Variants in TMC5 observed in about 807,000 individuals in gnomAD.
TMC5 encodes the protein transmembrane channel-like protein 5.
Under a neutral mutation model 110.5 loss-of-function variants are expected in TMC5, and 86 were observed. That is an observed-to-expected ratio of 0.78 (90% confidence interval 0.65 to 0.93). The LOEUF is 0.93. Among genes scored for constraint, TMC5 ranks in the 40% least tolerant of loss-of-function variants. The probability of loss-of-function intolerance (pLI) is 0.00; values close to 1 mark genes in which losing one functional copy is unlikely to be tolerated. For synonymous variants in TMC5, 455 were observed against 439.5 expected (o/e 1.04, Z -0.44); for missense variants, 1,144 against 1,222.8 (o/e 0.94, Z 0.96).
chr16:19,442,360 A>G (rs1355421859), intron 3 of TMC5, among the ~76,000 whole-genome samples: 4 of 138,266 alleles, frequency 2.9e-5, no homozygotes, highest in Admixed American at 1.5e-4. Context: ...ACAGCGTCTC[A>G]CTCTGTCATC....
chr16:19,441,953 G>A (rs1425213437), intron 3 of TMC5, among the ~76,000 whole-genome samples: 7 of 151,902 alleles, frequency 4.6e-5, no homozygotes, highest in African/African-American at 1.5e-4. Context: ...ACAGGCATGC[G>A]CCACCACGCC....
At chr16:19,455,211 G>C (rs1967837599) in intron 5 of TMC5, among the ~76,000 whole-genome samples, 1 of 152,024 alleles carries the variant, frequency 6.6e-6, no homozygotes. Context: ...ACTTTGGGAG[G>C]CTGAGGCAGG....
chr16:19,423,018 C>T (rs184203292), intron 1 of TMC5, among the ~76,000 whole-genome samples: 3 of 151,932 alleles, frequency 2.0e-5, no homozygotes, highest in Non-Finnish European at 4.4e-5. Flanking sequence ...CAGCTACTCA[C>T]GAGGCTGAGG....
chr16:19,424,203 T>C (rs781489186), intron 1 of TMC5, among the ~76,000 whole-genome samples: 3 of 152,318 alleles, frequency 2.0e-5, no homozygotes, highest in South Asian at 2.1e-4. Context: ...GGCTGTAAAG[T>C]AGAAGTTTTT....
chr16:19,417,055 T>C (rs181966328), upstream of TMC5, among the ~76,000 whole-genome samples: 937 of 116,278 alleles, frequency 8.1e-3, 6 homozygotes, highest in Middle Eastern at 0.029. Flanking sequence ...GATGGCGCCA[T>C]TGCACTCCAG....
chr16:19,473,988 TAAAA>T (rs1369513857), intron 11 of TMC5, 133 bp from the exon 12 acceptor site: 1 of 802,014 alleles, frequency 1.2e-6, no homozygotes, highest in African/African-American at 1.8e-5. Context: ...TCAAAAAAAT[TAAAA>T]TAAATAAATA....
In TMC5 at chr16:19,467,186, CTG is replaced by C. The variant is rs796528106; in HGVS notation, c.1637+955_1637+956del. Among the ~76,000 whole-genome samples, 17 of 152,210 alleles carry C rather than the reference CTG, an allele frequency of 1.1e-4. 1 individual carries two copies. The highest frequency in any genetic ancestry group is 2.6e-4 in the African/African-American group (11 of 41,556). On this transcript the variant is annotated intron_variant, in intron 9 of 21. Coordinates refer to ENST00000542583, the MANE Select transcript of TMC5 (RefSeq NM_001261841.2). Reference sequence around the variant, plus strand: ...AAGAAAGAAAAGCAACATGCAATCTCTGTATTAGTTTGCTAGGGCTGCCTAGC... The same window carrying C: ...AAGAAAGAAAAGCAACATGCAATCTCTATTAGTTTGCTAGGGCTGCCTAGC...
At chr16:19,441,801 C>T (rs190082806) in intron 3 of TMC5, among the ~76,000 whole-genome samples, 171 of 151,766 alleles carry the variant, frequency 1.1e-3, no homozygotes, top group South Asian at 8.4e-3. Flanking sequence ...TTTATTTATT[C>T]ATTCATTCAT....
chr16:19,419,407 T>G (rs1389025729), intron 1 of TMC5, among the ~76,000 whole-genome samples: 2 of 120,274 alleles, frequency 1.7e-5, no homozygotes, highest in Admixed American at 8.2e-5. Flanking sequence ...TGTTGGTTTT[T>G]TTTTTTTTTT....
At position 19,474,275 on chromosome 16, in the gene TMC5, C is replaced by T. The variant is rs200385991; in HGVS notation, c.2089C>T (p.Arg697Ter). The T allele has an allele frequency of 7.0e-5, 113 of 1,613,418 alleles. No individual in the cohort carries two copies. The highest frequency in any genetic ancestry group is 6.6e-4 in the Middle Eastern group (4 of 6,058). ...GCACGAAGTCTACGTTCTCCTGATC[C>T]GGTAGGTGATGTGTCGCGCCCAACA... Reference protein sequence around the residue: ...PRHEVYVLLIRNIFLKISIIG... With the variant: ...PRHEVYVLLI Residue 697 changes from arginine (R) to a stop codon, truncating the protein, a stop_gained and splice_region_variant, in exon 12 of 22, where the codon CGA becomes TGA. Coordinates refer to ENST00000542583, the MANE Select transcript of TMC5 (RefSeq NM_001261841.2). LOFTEE classifies it high-confidence loss of function.
chr16:19,438,790 C>T (rs1173276296), intron 2 of TMC5, among the ~76,000 whole-genome samples: 3 of 152,116 alleles, frequency 2.0e-5, no homozygotes, highest in Non-Finnish European at 2.9e-5. Context: ...AACTGCATCA[C>T]CTCTTATTTC....
In TMC5 at chr16:19,492,943, A is replaced by ATTTAGATATATATATATATATAT. The variant is rs61334845; in HGVS notation, c.2826+715_2826+716insTTTAGATATATATATATATATAT. On this transcript the variant is annotated intron_variant, in intron 19 of 21. Transcript: ENST00000542583. Reference sequence around the variant, plus strand: ...ATATATATATATATATCTCTCTATAAGATAAATACTTTTATTTCATTTATT... The same window carrying ATTTAGATATATATATATATATAT: ...ATATATATATATATATCTCTCTATAATTTAGATATATATATATATATATGATAAATACTTTTATTTCATTTATT... Among the ~76,000 whole-genome samples, 7 of 92,118 alleles carry ATTTAGATATATATATATATATAT rather than the reference A, an allele frequency of 7.6e-5. No homozygotes were observed. In the East Asian group the frequency reaches 2.1e-3, roughly 28 times the overall value. 60.4% of individuals were successfully genotyped at this position (92,118 alleles called of 152,430 possible). A position where few individuals can be genotyped will look rare whatever the true frequency, so the allele number is the denominator to read the frequency against.
At chr16:19,487,573 A>G (rs1968778868) in intron 17 of TMC5, among the ~76,000 whole-genome samples, 2 of 152,020 alleles carry the variant, frequency 1.3e-5, no homozygotes, top group South Asian at 4.1e-4. Context: ...GTGGTGGTGC[A>G]TGCCTGTAAT....
At chr16:19,424,571 C>G (rs1030469448) in intron 1 of TMC5, among the ~76,000 whole-genome samples, 4 of 152,142 alleles carry the variant, frequency 2.6e-5, no homozygotes, top group African/African-American at 9.7e-5. Flanking sequence ...ACCACTTCAA[C>G]CTGGGAGGCA....
intron 20 of TMC5, 25 bp from the exon 21 acceptor site, chr16:19,497,096 G>A: frequency 5.6e-6 from 9 of 1,613,678 alleles, no homozygotes; most frequent in Non-Finnish European, 6.8e-6. Flanking sequence ...TCCGTGACGT[G>A]GCTGCTTGTT....
intron 9 of TMC5, 101 bp downstream of exon 9, chr16:19,466,334 CCT>C: frequency 9.6e-7 from 1 of 1,044,046 alleles, no homozygotes; most frequent in Non-Finnish European, 1.4e-6. Flanking sequence ...TCTCTGCAGT[CCT>C]CTCCTCTCCT....
chr16:19,478,527 T>C (rs13338528), intron 13 of TMC5, among the ~76,000 whole-genome samples: 41,755 of 152,044 alleles, frequency 0.27, 8,485 homozygotes, highest in African/African-American at 0.57. Context: ...TCTATTCATC[T>C]GTCCATCCAT....
intron 5 of TMC5, among the ~76,000 whole-genome samples, chr16:19,451,142 A>G (rs1967740356): frequency 6.6e-6 from 1 of 152,132 alleles, no homozygotes; most frequent in Non-Finnish European, 1.5e-5. Flanking sequence ...TCAAAATCAA[A>G]CAAACAAAAA....
chr16:19,465,431 A>T (rs1399409534), intron 8 of TMC5, among the ~76,000 whole-genome samples: 1 of 152,068 alleles, frequency 6.6e-6, no homozygotes, highest in Admixed American at 6.6e-5. Flanking sequence ...CTACTAGGCA[A>T]GCTGAGGCAG....
Sources: allele counts gnomAD v4.1 joint callset (sites outside exome capture counted in the v4.1 genomes callset), GRCh38; gene constraint gnomAD v4.1.1; transcripts MANE v1.5; gene names NCBI Gene and HGNC (gene_info 2026-07-23, HGNC 2026-07-21).